Variants in MACO1 observed in about 807,000 individuals in gnomAD.
MACO1 encodes macoilin.
Under a neutral mutation model 78.7 loss-of-function variants are expected in MACO1, and 14 were observed. That is an observed-to-expected ratio of 0.18 (90% confidence interval 0.12 to 0.28). The LOEUF (loss-of-function observed/expected upper bound fraction) is 0.28, where lower values mean the gene tolerates loss of function less well. MACO1 is among the 10% of genes least tolerant of loss of function. The probability of loss-of-function intolerance (pLI) is 1.00; values close to 1 mark genes in which losing one functional copy is unlikely to be tolerated. For synonymous variants in MACO1, 288 were observed against 291.6 expected, an observed-to-expected ratio of 0.99 and a Z score of 0.12; for missense variants, 501 against 799.0, an observed-to-expected ratio of 0.63 and a Z score of 4.50.
At chr1:25,490,599 T>G (rs1486090852) in intron 9 of MACO1, among the ~76,000 whole-genome samples, 1 of 152,186 alleles carries the variant, frequency 6.6e-6, no homozygotes, top group Non-Finnish European at 1.5e-5. Context: ...CACCAATGAG[T>G]GATGTACAGA....
chr1:25,437,298 C>CTTTTTTTTTTTTTT (rs1173305681), intron 1 of MACO1, among the ~76,000 whole-genome samples: 2 of 65,880 alleles, frequency 3.0e-5, no homozygotes, highest in African/African-American at 6.5e-5. Context: ...CCATGCCTGG[C>CTTTTTTTTTTTTTT]TTTTTTTTTT....
rs2043418055 is a variant in MACO1, at chr1:25,485,115, CTG to C, written c.1314-495_1314-494del. Reference sequence around the variant, plus strand: ...GACTCTAAAAGAGGATTTGGGGACACTGTGAGCAAACATCCTGAGCTGGAAAG... The same window carrying C: ...GACTCTAAAAGAGGATTTGGGGACACTGAGCAAACATCCTGAGCTGGAAAG... On this transcript the variant is annotated intron_variant, in intron 7 of 10. Transcript: ENST00000374343. The surrounding 1 kb of genome is among the most constrained non-coding windows in gnomAD (Gnocchi z 4.3). 6.6e-6 allele frequency among the ~76,000 whole-genome samples: 1 copy of C among 152,126 alleles called. No homozygotes were observed. The highest frequency in any genetic ancestry group is 1.5e-5 in the Non-Finnish European group (1 of 68,028).
chr1:25,441,274 T>C (rs2124571677), intron 1 of MACO1, among the ~76,000 whole-genome samples: 1 of 152,202 alleles, frequency 6.6e-6, no homozygotes, highest in Non-Finnish European at 1.5e-5. Flanking sequence ...CACTGTAACC[T>C]CCACCTCCTG....
Position 25,493,545 on chromosome 1 carries a change from C to T in MACO1, c.1792+1961C>T, listed in dbSNP as rs572091350. On this transcript the variant is annotated intron_variant, in intron 10 of 10. Transcript: ENST00000374343. ...GATTGCAGGCATGAGCCACTGTGCTCAGCCAAATTAATTTATTATTCATTT... is the reference window on the plus strand; with the variant it reads ...GATTGCAGGCATGAGCCACTGTGCTTAGCCAAATTAATTTATTATTCATTT... Among the ~76,000 whole-genome samples, 111 of 152,120 alleles carry T rather than the reference C, an allele frequency of 7.3e-4. 1 individual carries two copies. Among genetic ancestry groups the T allele is most frequent in the South Asian group, 6.2e-4 (3 of 4,816 alleles).
In MACO1 at chr1:25,464,966, G is replaced by A. The variant is rs559075013; in HGVS notation, c.1154+6074G>A. 5.6e-5 allele frequency among the ~76,000 whole-genome samples: 8 copies of A among 142,788 alleles called. No individual in the cohort carries two copies. In the South Asian group the frequency reaches 7.1e-4, roughly 13 times the overall value. The allele number at this position is 142,788 out of a possible 152,430, so 93.7% of individuals were successfully genotyped here. ...TGGAATTACAGGCATGAGCCACTGC[G>A]CCCAGGCAATTTTTTTTTTTTTTTA... On this transcript the variant is annotated intron_variant, in intron 6 of 10. Coordinates refer to ENST00000374343, the MANE Select transcript of MACO1 (RefSeq NM_018202.6).
intron 1 of MACO1, among the ~76,000 whole-genome samples, chr1:25,432,127 T>C (rs2042880322): frequency 6.6e-6 from 1 of 152,342 alleles, no homozygotes; most frequent in Admixed American, 6.5e-5. Context: ...GGAGAAGTAA[T>C]TAGTTTACAA....
At chr1:25,433,399 G>A (rs2042892639) in intron 1 of MACO1, among the ~76,000 whole-genome samples, 1 of 152,068 alleles carries the variant, frequency 6.6e-6, no homozygotes, top group African/African-American at 2.4e-5. Flanking sequence ...AATTTCTGGT[G>A]ATCATCAAAT....
intron 3 of MACO1, among the ~76,000 whole-genome samples, chr1:25,452,941 C>A (rs1013956090): frequency 5.9e-5 from 9 of 151,834 alleles, no homozygotes; most frequent in Middle Eastern, 6.8e-3. Flanking sequence ...GTGATCCACC[C>A]ACCTTGGCCT....
At chr1:25,484,629 CTATATTTACTTTTATTT>C (rs1185985798) in intron 7 of MACO1, among the ~76,000 whole-genome samples, 1 of 152,116 alleles carries the variant, frequency 6.6e-6, no homozygotes, top group Non-Finnish European at 1.5e-5. Flanking sequence ...GAGGATTTGA[CTATATTTACTTTTATTT>C]CCAGAACTAA....
In MACO1 at chr1:25,458,478, T is replaced by C; in HGVS notation, c.740T>C (p.Leu247Ser). 6.2e-7 allele frequency: 1 copy of C among 1,613,864 alleles called. No homozygotes were observed. The highest frequency in any genetic ancestry group is 8.5e-7 in the Non-Finnish European group (1 of 1,179,960). ...IPANKKLSTT[L>S]PEIEYREKGK... ...GCCAACAAAAAACTCTCCACAACTT[T>C]GCCAGAGATAGAATACCGAGAAAAA... The change falls in exon 6 of 11, where the codon TTG becomes TCG. Residue 247 changes from leucine (L) to serine (S), a missense_variant. Transcript: ENST00000374343.
At chr1:25,462,446 T>A (rs931197937) in intron 6 of MACO1, among the ~76,000 whole-genome samples, 5 of 152,176 alleles carry the variant, frequency 3.3e-5, no homozygotes, top group Non-Finnish European at 7.3e-5. Context: ...AGCCCTTGAC[T>A]GCCTCCCTCT....
intron 6 of MACO1, among the ~76,000 whole-genome samples, chr1:25,461,831 G>A (rs533593052): frequency 5.5e-4 from 84 of 152,270 alleles, no homozygotes; most frequent in African/African-American, 2.0e-3. Context: ...AACAATAGTT[G>A]TTATCCCTTG....
At chr1:25,443,626 AACT>A (rs1164517154) in intron 1 of MACO1, among the ~76,000 whole-genome samples, 1 of 152,264 alleles carries the variant, frequency 6.6e-6, no homozygotes, top group African/African-American at 2.4e-5. Context: ...GTAATTTTTG[AACT>A]ACGTTAGTTT....
At chr1:25,435,407 C>G (rs2124566410) in intron 1 of MACO1, among the ~76,000 whole-genome samples, 1 of 152,314 alleles carries the variant, frequency 6.6e-6, no homozygotes, top group Non-Finnish European at 1.5e-5. Context: ...GTCCTTGGGG[C>G]TCCTCAAAAG....
intron 10 of MACO1, among the ~76,000 whole-genome samples, chr1:25,496,067 A>G (rs2043533815): frequency 6.6e-6 from 1 of 152,186 alleles, no homozygotes; most frequent in African/African-American, 2.4e-5. Context: ...ATTGTCTTCT[A>G]TAGGACCCAT....
At chr1:25,484,487 T>C (rs2043411017) in intron 7 of MACO1, among the ~76,000 whole-genome samples, 1 of 152,238 alleles carries the variant, frequency 6.6e-6, no homozygotes, top group Admixed American at 6.5e-5. Context: ...TTTATTAATA[T>C]TACTGTTTTT....
Position 25,484,146 on chromosome 1 carries a change from T to C in MACO1, c.1185T>C (p.Ala395=). The C allele has an allele frequency of 6.2e-7, 1 of 1,613,498 alleles. No individual in the cohort carries two copies. Residue 395 remains alanine (A), a synonymous_variant, in exon 7 of 11, where the codon GCT becomes GCC. Transcript: ENST00000374343. ...RLEQDIKKLK[A]DLQASRQVEQ... ...AACAAGACATTAAAAAGTTAAAGGC[T>C]GACCTGCAAGCCAGCAGACAAGTGG...
chr1:25,431,058 ACGGCGG>A lies in MACO1; in HGVS notation c.-32_-27del. The A allele has an allele frequency of 6.6e-7, 1 of 1,514,846 alleles. No individual in the cohort carries two copies. Among genetic ancestry groups the A allele is most frequent in the South Asian group, 1.2e-5 (1 of 83,182 alleles). 93.8% of individuals were successfully genotyped at this position (1,514,846 alleles called of 1,614,324 possible). The stretch of plus-strand genomic sequence containing the variant: ...GCGGCGGCGGCAGCTGAGGTGAGAG[ACGGCGG>A]CGGCGGCGCGGGCACCCGGCCCCCC... On this transcript the variant is annotated 5_prime_UTR_variant, in exon 1 of 11. Coordinates refer to ENST00000374343, the MANE Select transcript of MACO1 (RefSeq NM_018202.6).
At chr1:25,470,136 A>G (rs114128291) in intron 6 of MACO1, among the ~76,000 whole-genome samples, 1,539 of 152,340 alleles carry the variant, frequency 0.01, 27 homozygotes, top group African/African-American at 0.034. Context: ...TTTGGTGTGA[A>G]TAACTATAAA....
Sources: gnomAD v4.1 joint callset for allele counts (sites outside exome capture counted in the v4.1 genomes callset) on GRCh38, gnomAD v4.1.1 for gene constraint, Gnocchi (gnomAD v3.1) non-coding constraint, MANE v1.5 for transcripts, NCBI Gene and HGNC (gene_info 2026-07-23, HGNC 2026-07-21) for gene names.